The following MDGA2 variants were observed in gnomAD, a reference collection of about 807,000 sequenced individuals.
The protein encoded by MDGA2 is MAM domain-containing glycosylphosphatidylinositol anchor protein 2.
In MDGA2, 40 loss-of-function variants were observed where a neutral mutation model predicts 117.8. That is an observed-to-expected ratio of 0.34 (90% confidence interval 0.26 to 0.44). The LOEUF is 0.44. MDGA2 is among the 20% of genes least tolerant of loss of function. The probability of loss-of-function intolerance (pLI) is 1.00; values close to 1 mark genes in which losing one functional copy is unlikely to be tolerated. For synonymous variants in MDGA2, 452 were observed against 439.0 expected, an observed-to-expected ratio of 1.03 and a Z score of -0.37; for missense variants, 1,123 against 1,250.6, an observed-to-expected ratio of 0.90 and a Z score of 1.54.
chr14:47,171,148 T>C (rs780658789), intron 3 of MDGA2, among the ~76,000 whole-genome samples: 13 of 152,184 alleles, frequency 8.5e-5, no homozygotes, highest in Non-Finnish European at 1.6e-4. Flanking sequence ...AAATTGCTTA[T>C]TTTTATTAGA....
chr14:47,668,953 A>G (rs1238554653), intron 1 of MDGA2, among the ~76,000 whole-genome samples: 2 of 152,152 alleles, frequency 1.3e-5, no homozygotes, highest in Non-Finnish European at 2.9e-5. Flanking sequence ...TTCTCAAAGC[A>G]TGAGGATCAA....
rs568970095 is a variant in MDGA2 at position 46,927,811 on chromosome 14, T to C, written c.2090-7651A>G. Among the ~76,000 whole-genome samples, 3 of 152,352 alleles carry C rather than the reference T, an allele frequency of 2.0e-5. No individual in the cohort carries two copies. In the South Asian group the frequency reaches 6.2e-4, roughly 32 times the overall value. On this transcript the variant is annotated intron_variant, in intron 9 of 16. Transcript: ENST00000399232. ...TTAAATTGCAATATAGCTGGTGTATTCATCCCTTACTTGAATTCATTTTCT... is the reference window on the plus strand; with the variant it reads ...TTAAATTGCAATATAGCTGGTGTATCCATCCCTTACTTGAATTCATTTTCT...
At chr14:47,387,016 A>G (rs538883670) in intron 1 of MDGA2, among the ~76,000 whole-genome samples, 2 of 152,290 alleles carry the variant, frequency 1.3e-5, no homozygotes, top group African/African-American at 4.8e-5. Flanking sequence ...TACATAATGA[A>G]TTTAAAAAAG....
At chr14:46,973,277 G>A (rs947897097) in intron 8 of MDGA2, among the ~76,000 whole-genome samples, 1 of 152,112 alleles carries the variant, frequency 6.6e-6, no homozygotes, top group South Asian at 2.1e-4. Flanking sequence ...TTTACTCAAA[G>A]GAGTTGAAAA....
intron 5 of MDGA2, among the ~76,000 whole-genome samples, chr14:47,128,165 C>A (rs991259436): frequency 6.6e-6 from 1 of 151,984 alleles, no homozygotes; most frequent in Non-Finnish European, 1.5e-5. Flanking sequence ...CAATTTAGTT[C>A]ATTCTCAAAA....
At chr14:47,587,928 C>A (rs979503765) in intron 1 of MDGA2, among the ~76,000 whole-genome samples, 1 of 151,948 alleles carries the variant, frequency 6.6e-6, no homozygotes. Context: ...ACTGTCTTTT[C>A]CTATGAATTT....
chr14:47,357,074 T>C (rs1891011722), intron 1 of MDGA2, among the ~76,000 whole-genome samples: 1 of 152,232 alleles, frequency 6.6e-6, no homozygotes, highest in African/African-American at 2.4e-5. Context: ...CTTCTCCCCT[T>C]TGGGGTCCCT....
Position 47,618,713 on chromosome 14 carries a change from G to A in MDGA2, c.280+55804C>T, listed in dbSNP as rs532370296. Among the ~76,000 whole-genome samples, 14 of 152,150 alleles carry A rather than the reference G, an allele frequency of 9.2e-5. No homozygotes were observed. The South Asian group carries it at 1.0e-3, about 11-fold the overall frequency. ...ACTGGCCACAAAATTACAAATGTCCGTAAGCTTGGAACATGAACGAAATTA... is the reference window on the plus strand; with the variant it reads ...ACTGGCCACAAAATTACAAATGTCCATAAGCTTGGAACATGAACGAAATTA... On this transcript the variant is annotated intron_variant, in intron 1 of 16. Transcript: ENST00000399232.
chr14:47,026,414 C>A (rs1193379354), intron 8 of MDGA2, among the ~76,000 whole-genome samples: 7 of 151,848 alleles, frequency 4.6e-5, no homozygotes, highest in African/African-American at 9.7e-5. Context: ...TAATCAAAGA[C>A]CAAAAGGCAT....
chr14:47,548,820 C>T (rs771141086), intron 1 of MDGA2, among the ~76,000 whole-genome samples: 34 of 152,180 alleles, frequency 2.2e-4, no homozygotes, highest in South Asian at 4.1e-4. Flanking sequence ...TATCATATCT[C>T]CTATGGTCTT....
intron 3 of MDGA2, among the ~76,000 whole-genome samples, chr14:47,180,203 G>A (rs1328499855): frequency 1.3e-5 from 2 of 152,002 alleles, no homozygotes; most frequent in African/African-American, 2.4e-5. Flanking sequence ...GCCTCTGTTA[G>A]GCCCCAATGT....
intron 5 of MDGA2, among the ~76,000 whole-genome samples, chr14:47,097,624 T>C (rs1399368141): frequency 6.6e-6 from 1 of 151,982 alleles, no homozygotes; most frequent in Non-Finnish European, 1.5e-5. Flanking sequence ...CACCCAGGCT[T>C]TTACCATTCA....
intron 9 of MDGA2, among the ~76,000 whole-genome samples, chr14:46,943,688 C>G (rs184496193): frequency 2.0e-5 from 3 of 152,154 alleles, no homozygotes; most frequent in Non-Finnish European, 4.4e-5. Flanking sequence ...CAAATTAATT[C>G]CATCGCTTGT....
At chr14:47,428,685 A>ATT (rs1453863972) in intron 1 of MDGA2, among the ~76,000 whole-genome samples, 1 of 151,868 alleles carries the variant, frequency 6.6e-6, no homozygotes, top group Non-Finnish European at 1.5e-5. Context: ...TCTGTCTCTC[A>ATT]TTCTCTCTCT....
At chr14:46,905,755 T>A (rs1215906105) in intron 10 of MDGA2, among the ~76,000 whole-genome samples, 1 of 152,076 alleles carries the variant, frequency 6.6e-6, no homozygotes, top group Admixed American at 6.6e-5. Context: ...GAAAAAAGCA[T>A]GTTCATTGAA....
chr14:47,673,504 AT>A (rs1488467185), intron 1 of MDGA2, among the ~76,000 whole-genome samples: 2 of 152,094 alleles, frequency 1.3e-5, no homozygotes, highest in African/African-American at 4.8e-5. Flanking sequence ...TCTTGGCTTG[AT>A]GTCCCCTCAA....
intron 14 of MDGA2, among the ~76,000 whole-genome samples, chr14:46,857,226 T>A: frequency 6.6e-6 from 1 of 152,254 alleles, no homozygotes; most frequent in East Asian, 1.9e-4. Context: ...TGGTTTACAT[T>A]TCTACCTGTA....
intron 1 of MDGA2, among the ~76,000 whole-genome samples, chr14:47,441,381 T>G (rs896771188): frequency 6.6e-6 from 1 of 152,192 alleles, no homozygotes; most frequent in Admixed American, 6.5e-5. Flanking sequence ...TTTCATTGAC[T>G]GAAATTCCAC....
At position 47,034,971 on chromosome 14, in the gene MDGA2, T is replaced by C. The variant is rs781442003; in HGVS notation, c.1819+40A>G. 4 of 1,554,074 alleles carry C rather than the reference T, an allele frequency of 2.6e-6. No homozygotes were observed. The African/African-American group carries it at 5.4e-5, about 21-fold the overall frequency. On this transcript the variant is annotated intron_variant, in intron 8 of 16. Transcript: ENST00000399232. ...TAGAATAATGGTAACACTTCTTCCC[T>C]TGTCCCCATATGGAAATGCATAAAA...
Sources: allele counts gnomAD v4.1 joint callset (sites outside exome capture counted in the v4.1 genomes callset), GRCh38; gene constraint gnomAD v4.1.1; transcripts MANE v1.5; gene names NCBI Gene and HGNC (gene_info 2026-07-23, HGNC 2026-07-21).